Variants in SENP8 observed in about 807,000 individuals in gnomAD.
SENP8 encodes the protein SUMO peptidase family member, NEDD8 specific, also known as sentrin-specific protease 8.
Under a neutral mutation model 14.4 loss-of-function variants are expected in SENP8, and 10 were observed. The ratio of observed to expected loss-of-function variants is 0.69; its 90% CI spans 0.43 to 1.18. The LOEUF is 1.18. SENP8 is among the 50% of genes most tolerant of loss of function. SENP8 has a pLI of 0.00. For missense variants in SENP8, 202 were observed against 249.4 expected (o/e 0.81, Z 1.28); for synonymous variants, 94 against 95.5 (o/e 0.98, Z 0.09).
At chr15:72,115,136 T>C (rs2080924925), upstream of SENP8, among the ~76,000 whole-genome samples, 1 of 152,256 alleles carries the variant, frequency 6.6e-6, no homozygotes, top group Non-Finnish European at 1.5e-5. Flanking sequence ...ATGCTTAAAC[T>C]AGAATAAGTT....
At chr15:72,123,400 A>G (rs2081184988) in intron 1 of SENP8, among the ~76,000 whole-genome samples, 1 of 151,866 alleles carries the variant, frequency 6.6e-6, no homozygotes. Flanking sequence ...CCTGACCCTC[A>G]CTCCTAGTCA....
chr15:72,138,695 G>A (rs1355718691), intron 1 of SENP8, among the ~76,000 whole-genome samples: 1 of 151,226 alleles, frequency 6.6e-6, no homozygotes, highest in Non-Finnish European at 1.5e-5. Context: ...AGGTGCGGTG[G>A]CTCACGCCTG....
intron 1 of SENP8, among the ~76,000 whole-genome samples, chr15:72,123,006 T>G (rs879927166): frequency 9.2e-5 from 14 of 152,226 alleles, no homozygotes; most frequent in Admixed American, 8.5e-4. Flanking sequence ...CTCAAAGTCG[T>G]GTGATTCATT....
rs990438332 is a variant in SENP8, at chr15:72,141,665, T to G, written c.*1403T>G. On this transcript the variant is annotated 3_prime_UTR_variant, in exon 2 of 2. Transcript: ENST00000340912. ...CACAGTAAGGGTAAATAAGTACAGGTTACATAGCAGGCCTGAGTGAGCAGG... is the reference window on the plus strand; with the variant it reads ...CACAGTAAGGGTAAATAAGTACAGGGTACATAGCAGGCCTGAGTGAGCAGG... 2 of 151,856 alleles carry G rather than the reference T, an allele frequency of 1.3e-5. No homozygotes were observed. Among genetic ancestry groups the G allele is most frequent in the Admixed American group, 6.6e-5 (1 of 15,214 alleles). The allele number at this position is 151,856 out of a possible 1,614,324, so 9.4% of individuals were successfully genotyped here.
intron 1 of SENP8, among the ~76,000 whole-genome samples, chr15:72,119,170 A>C (rs1467479317): frequency 1.3e-5 from 2 of 152,240 alleles, no homozygotes; most frequent in African/African-American, 2.4e-5. Flanking sequence ...AAGACTCAAA[A>C]GCGTACCATG....
rs765324435 is a variant in SENP8, at chr15:72,140,088, T to C, written c.465T>C (p.Pro155=). 1.9e-6 allele frequency: 3 copies of C among 1,614,162 alleles called. No homozygotes were observed. The highest frequency in any genetic ancestry group is 1.3e-5 in the African/African-American group (1 of 75,058). ...TGGCCTTTGTGGAAGAGAAAGCCCC[T>C]GCCCAACAAAACAGCTATGACTGTG... ...DKLAFVEEKA[P]AQQNSYDCGM... The change falls in exon 2 of 2, where the codon CCT becomes CCC. Residue 155 remains proline (P), a synonymous_variant. Coordinates refer to ENST00000340912, the MANE Select transcript of SENP8 (RefSeq NM_145204.4).
chr15:72,134,461 C>T (rs2081307417), intron 1 of SENP8, among the ~76,000 whole-genome samples: 1 of 152,140 alleles, frequency 6.6e-6, no homozygotes, highest in Non-Finnish European at 1.5e-5. Context: ...CACCTGCAGT[C>T]CTAGCTACTC....
At chr15:72,136,487 C>A (rs945352037) in intron 1 of SENP8, among the ~76,000 whole-genome samples, 3 of 151,730 alleles carry the variant, frequency 2.0e-5, no homozygotes, top group African/African-American at 7.3e-5. Flanking sequence ...TATATTTTTT[C>A]TTTTTTCTCA....
At chr15:72,118,961 A>G (rs902673482) in intron 1 of SENP8, among the ~76,000 whole-genome samples, 4 of 152,206 alleles carry the variant, frequency 2.6e-5, no homozygotes, top group African/African-American at 9.7e-5. Flanking sequence ...TACCTGGTCA[A>G]AGAAATACGA....
upstream of SENP8, among the ~76,000 whole-genome samples, chr15:72,115,127 T>A (rs1324324017): frequency 6.6e-6 from 1 of 152,242 alleles, no homozygotes; most frequent in Non-Finnish European, 1.5e-5. Context: ...TCACTGTTAA[T>A]GCTTAAACTA....
chr15:72,133,796 C>T (rs572215899), intron 1 of SENP8, among the ~76,000 whole-genome samples: 1 of 152,278 alleles, frequency 6.6e-6, no homozygotes, highest in African/African-American at 2.4e-5. Context: ...CTATTTCATT[C>T]TCACTCTATA....
intron 1 of SENP8, among the ~76,000 whole-genome samples, chr15:72,121,738 G>A (rs1370373841): frequency 6.6e-6 from 1 of 152,092 alleles, no homozygotes; most frequent in African/African-American, 2.4e-5. Context: ...AAATCTTGAG[G>A]TGATCTCTAG....
At chr15:72,123,123 A>T (rs1360684158) in intron 1 of SENP8, among the ~76,000 whole-genome samples, 1 of 152,206 alleles carries the variant, frequency 6.6e-6, no homozygotes, top group Non-Finnish European at 1.5e-5. Flanking sequence ...TTAACTATCT[A>T]TGAAAAAAAT....
At chr15:72,121,338 G>A (rs181742218) in intron 1 of SENP8, among the ~76,000 whole-genome samples, 36 of 152,316 alleles carry the variant, frequency 2.4e-4, no homozygotes, top group African/African-American at 8.4e-4. Flanking sequence ...TGTGATTAGA[G>A]TTCTGTTTGA....
chr15:72,137,022 AT>A (rs1327872342), intron 1 of SENP8, among the ~76,000 whole-genome samples: 2 of 152,152 alleles, frequency 1.3e-5, no homozygotes, highest in African/African-American at 4.8e-5. Flanking sequence ...TCATTCTTTT[AT>A]TTAGACAAGA....
chr15:72,116,963 T>C (rs1476710613), upstream of SENP8: 2 of 152,198 alleles, frequency 1.3e-5, no homozygotes, highest in Non-Finnish European at 2.9e-5. Flanking sequence ...TAAGCCACAA[T>C]GGAGGGAATA....
At chr15:72,118,140 G>C (rs1013828293), upstream of SENP8, 2 of 377,682 alleles carry the variant, frequency 5.3e-6, no homozygotes, top group Non-Finnish European at 9.4e-6. Flanking sequence ...CAGGCGAGCA[G>C]GCGCGCGCGC....
chr15:72,114,475 G>C (rs2080895392), upstream of SENP8: 1 of 152,238 alleles, frequency 6.6e-6, no homozygotes. Context: ...GTGAAGTACA[G>C]AGTGAAGCGG....
In SENP8 at chr15:72,139,728, G is replaced by A. The variant is rs751459772; in HGVS notation, c.105G>A (p.Ala35=). 23 of 1,614,036 alleles carry A rather than the reference G, an allele frequency of 1.4e-5. No homozygotes were observed. The highest frequency in any genetic ancestry group is 1.6e-4 in the Middle Eastern group (1 of 6,084). Residue 35 remains alanine (A), a synonymous_variant, in exon 2 of 2, where the codon GCG becomes GCA. Transcript: ENST00000340912. ...SWLNDHIIGF[A]FEYFANSQFH... ...TCAATGACCATATTATTGGGTTTGC[G>A]TTTGAGTACTTTGCCAACAGTCAGT...
Sources: allele counts gnomAD v4.1 joint callset (sites outside exome capture counted in the v4.1 genomes callset), GRCh38; gene constraint gnomAD v4.1.1; transcripts MANE v1.5; gene names NCBI Gene and HGNC (gene_info 2026-07-23, HGNC 2026-07-21).